ZNF91: variants seen among roughly 807,000 people sequenced by gnomAD.
ZNF91 encodes the protein zinc finger protein 91, also known as zinc finger protein 91 (HPF7, HTF10).
A neutral mutation model predicts 12.6 loss-of-function variants in ZNF91; 7 were observed. The ratio of observed to expected loss-of-function variants is 0.55; its 90% CI spans 0.31 to 1.04. The LOEUF (loss-of-function observed/expected upper bound fraction) is 1.04. Ranked by LOEUF, ZNF91 falls within the 50% of genes least tolerant of loss-of-function variation. The pLI, the probability that ZNF91 is intolerant of heterozygous loss-of-function variation, is 0.05. For synonymous variants in ZNF91, 453 were observed against 462.6 expected, an observed-to-expected ratio of 0.98 and a Z score of 0.27; for missense variants, 1,217 against 1,385.4, an observed-to-expected ratio of 0.88 and a Z score of 1.93.
At chr19:23,324,992 A>C (rs961675824) in intron 1 of ZNF91, 1 of 151,824 alleles carries the variant, frequency 6.6e-6, no homozygotes, top group African/African-American at 2.4e-5. Context: ...GATGGGGATA[A>C]TACAGGGATG....
At chr19:23,308,053 T>G (rs2145839718) in intron 2 of ZNF91, 1 of 152,318 alleles carries the variant, frequency 6.6e-6, no homozygotes, top group South Asian at 2.1e-4. Flanking sequence ...TCTGCCTGGG[T>G]CTTGCCAAAA....
downstream of ZNF91, among the ~76,000 whole-genome samples, chr19:23,334,265 T>C (rs143452617): frequency 6.6e-6 from 1 of 152,108 alleles, no homozygotes; most frequent in South Asian, 2.1e-4. Context: ...AGAGTTGGCA[T>C]GATGAGAGAT....
intron 1 of ZNF91, among the ~76,000 whole-genome samples, chr19:23,390,596 G>T (rs1398393400): frequency 6.6e-6 from 1 of 152,262 alleles, no homozygotes; most frequent in South Asian, 2.1e-4. Context: ...GACCTCAAGG[G>T]ATCCACCCAC....
At position 23,360,510 on chromosome 19, in the gene ZNF91, C is replaced by G. The variant is rs760291255; in HGVS notation, c.2469G>C (p.Glu823Asp). Reference sequence around the variant, plus strand: ...CACATTCTTTACATTTGTAGGGTTTCTCTCCAGTATGAATTGTCTTATGCT... The same window carrying G: ...CACATTCTTTACATTTGTAGGGTTTGTCTCCAGTATGAATTGTCTTATGCT... Reference protein sequence around the residue: ...LTKHKTIHTGEKPYKCKECGK... With the variant: ...LTKHKTIHTGDKPYKCKECGK... The change falls in exon 4 of 4, where the codon GAG (glutamate) becomes GAC (aspartate). Residue 823 changes from glutamate (E) to aspartate (D), a missense_variant. Coordinates refer to ENST00000300619, the MANE Select transcript of ZNF91 (RefSeq NM_003430.4). The G allele has an allele frequency of 6.2e-7, 1 of 1,613,812 alleles. No individual in the cohort carries two copies. The highest frequency in any genetic ancestry group is 1.1e-5 in the South Asian group (1 of 91,072).
At chr19:23,377,519 G>A (rs1969546107) in intron 1 of ZNF91, among the ~76,000 whole-genome samples, 1 of 152,072 alleles carries the variant, frequency 6.6e-6, no homozygotes, top group African/African-American at 2.4e-5. Flanking sequence ...GTCCATAAAT[G>A]GGTGTTCTAA....
chr19:23,389,934 C>T (rs1382268710), intron 1 of ZNF91, among the ~76,000 whole-genome samples: 1 of 152,130 alleles, frequency 6.6e-6, no homozygotes, highest in Admixed American at 6.6e-5. Flanking sequence ...CTGGGGACTC[C>T]CATAATGTTA....
chr19:23,342,965 G>C (rs1968154353), intron 3 of ZNF91, among the ~76,000 whole-genome samples: 1 of 152,188 alleles, frequency 6.6e-6, no homozygotes, highest in Non-Finnish European at 1.5e-5. Flanking sequence ...TACTCTAGGT[G>C]TTTGAGAGTT....
intron 1 of ZNF91, 106 bp downstream of exon 1, chr19:23,395,219 A>AT (rs1470131843): frequency 7.1e-7 from 1 of 1,403,438 alleles, no homozygotes; most frequent in Non-Finnish European, 9.9e-7. Context: ...CCGGGCACGG[A>AT]TTGTGGAGCT....
chr19:23,343,994 C>T (rs1968171405), intron 3 of ZNF91, among the ~76,000 whole-genome samples: 1 of 152,078 alleles, frequency 6.6e-6, no homozygotes, highest in Non-Finnish European at 1.5e-5. Context: ...ACATGCTAAC[C>T]AAGTGAATAA....
chr19:23,342,872 A>G (rs1968152906), intron 3 of ZNF91, among the ~76,000 whole-genome samples: 1 of 152,178 alleles, frequency 6.6e-6, no homozygotes, highest in South Asian at 2.1e-4. Flanking sequence ...TCTATGGCCA[A>G]AGCCTTGAAT....
At chr19:23,348,168 G>A (rs1013890814) in intron 3 of ZNF91, among the ~76,000 whole-genome samples, 4 of 152,094 alleles carry the variant, frequency 2.6e-5, no homozygotes, top group African/African-American at 9.6e-5. Flanking sequence ...GTTGGCTCTA[G>A]TAACCCTCCA....
chr19:23,371,351 C>G (rs984313679), intron 3 of ZNF91, among the ~76,000 whole-genome samples: 2 of 148,080 alleles, frequency 1.4e-5, no homozygotes, highest in African/African-American at 2.5e-5. Flanking sequence ...ATCTCAAAAA[C>G]AAAAAAGAAA....
chr19:23,315,305 A>G (rs538234308), upstream of ZNF91, among the ~76,000 whole-genome samples: 9 of 152,332 alleles, frequency 5.9e-5, no homozygotes, highest in East Asian at 1.7e-3. Flanking sequence ...AACAGAAGGC[A>G]TTATGACATA....
Position 23,361,594 on chromosome 19 carries a change from A to T in ZNF91, c.1385T>A (p.Phe462Tyr), listed in dbSNP as rs1483140848. 1.2e-6 allele frequency: 2 copies of T among 1,604,392 alleles called. No individual in the cohort carries two copies. Among genetic ancestry groups the T allele is most frequent in the East Asian group, 2.3e-5 (1 of 44,304 alleles). The change falls in exon 4 of 4, where the codon TTC becomes TAC. Residue 462 changes from phenylalanine to tyrosine, a missense_variant. This residue lies in a region of ZNF91 where 726 missense variants were observed against 895.5 expected (regional missense o/e 0.81). Transcript: ENST00000300619. ...TGCTTTGCCACATTCTTTACATTTG[A>T]AGGGTTTCTCTCTAGTATGAAATCT... is the stretch of plus-strand genomic sequence containing the variant. Reference protein sequence around the residue: ...HKRFHTREKPFKCKECGKAFI... With the variant: ...HKRFHTREKPYKCKECGKAFI...
At chr19:23,316,576 C>G (rs1386275481) in intron 1 of ZNF91, among the ~76,000 whole-genome samples, 2 of 152,106 alleles carry the variant, frequency 1.3e-5, no homozygotes, top group Non-Finnish European at 2.9e-5. Context: ...ATATTCCTGG[C>G]CCAGAATACA....
chr19:23,335,266 G>A (rs1967984791), downstream of ZNF91, among the ~76,000 whole-genome samples: 2 of 152,216 alleles, frequency 1.3e-5, no homozygotes, highest in Non-Finnish European at 2.9e-5. Context: ...AGGCTACTCG[G>A]GGGTCAGGGA....
downstream of ZNF91, among the ~76,000 whole-genome samples, chr19:23,334,471 T>C (rs1484257870): frequency 6.6e-6 from 1 of 152,210 alleles, no homozygotes; most frequent in Non-Finnish European, 1.5e-5. Context: ...GGTACCCTTT[T>C]TGATAGAATA....
At chr19:23,342,052 CT>C in intron 3 of ZNF91, 1 of 319,074 alleles carries the variant, frequency 3.1e-6, no homozygotes, top group Non-Finnish European at 5.7e-6. Context: ...AAATAAATGG[CT>C]TTTTAGGAAA....
intron 3 of ZNF91, among the ~76,000 whole-genome samples, chr19:23,351,143 T>C (rs1968355097): frequency 6.6e-6 from 1 of 152,030 alleles, no homozygotes; most frequent in Non-Finnish European, 1.5e-5. Flanking sequence ...CTGGCCAACA[T>C]GGTGAAACCT....
Sources: gnomAD v4.1 joint callset for allele counts (sites outside exome capture counted in the v4.1 genomes callset) on GRCh38, gnomAD v4.1.1 for gene constraint, gnomAD v4.1.1 regional missense constraint, MANE v1.5 for transcripts, NCBI Gene and HGNC (gene_info 2026-07-23, HGNC 2026-07-21) for gene names.